Variants in VPS37A observed in about 807,000 individuals in gnomAD.
VPS37A encodes the protein VPS37A subunit of ESCRT-I, also known as vacuolar protein sorting-associated protein 37A.
VPS37A carries 30 observed loss-of-function variants against 49.8 expected under a neutral mutation model. That is an observed-to-expected ratio of 0.60 (90% confidence interval 0.45 to 0.82). The LOEUF (loss-of-function observed/expected upper bound fraction) is 0.82. Among genes scored for constraint, VPS37A ranks in the 40% least tolerant of loss-of-function variants. The pLI, the probability that VPS37A is intolerant of heterozygous loss-of-function variation, is 0.00. For synonymous variants in VPS37A, 195 were observed against 160.6 expected (o/e 1.21, Z -1.62); for missense variants, 593 against 464.4 (o/e 1.28, Z -2.55).
At chr8:17,266,025 C>G in intron 2 of VPS37A, 44 bp downstream of exon 2, 1 of 1,522,792 alleles carries the variant, frequency 6.6e-7, no homozygotes, top group South Asian at 1.2e-5. Context: ...AAGGACTTAA[C>G]AGTTTTTTTA....
At chr8:17,284,219 G>A (rs1815373065) in intron 9 of VPS37A, among the ~76,000 whole-genome samples, 1 of 152,198 alleles carries the variant, frequency 6.6e-6, no homozygotes, top group Non-Finnish European at 1.5e-5. Context: ...CCTTAGGAGA[G>A]AACAATGATT....
chr8:17,261,908 C>G (rs1159662770), intron 1 of VPS37A, among the ~76,000 whole-genome samples: 1 of 152,148 alleles, frequency 6.6e-6, no homozygotes, highest in African/African-American at 2.4e-5. Context: ...GTAGTCTTGC[C>G]TCTCCCCTTT....
At chr8:17,320,783 C>A in the VPS37A span, among the ~76,000 whole-genome samples, 2 of 152,194 alleles carry the variant, frequency 1.3e-5, no homozygotes. Flanking sequence ...TGCACGCGGC[C>A]CTGAAACACG....
rs571205271 is a variant in VPS37A at position 17,264,539 on chromosome 8, C to T, written c.126-1368C>T. 8.5e-5 allele frequency among the ~76,000 whole-genome samples: 13 copies of T among 152,268 alleles called. No individual in the cohort carries two copies. The East Asian group carries it at 2.3e-3, about 27-fold the overall frequency. Reference sequence around the variant, plus strand: ...TAGGATATCAGAGAGGAAAGCTTATCTACATCTACAGTTTTTCTGTAACTC... The same window carrying T: ...TAGGATATCAGAGAGGAAAGCTTATTTACATCTACAGTTTTTCTGTAACTC... On this transcript the variant is annotated intron_variant, in intron 1 of 11. Coordinates refer to ENST00000324849, the MANE Select transcript of VPS37A (RefSeq NM_152415.3).
In VPS37A at chr8:17,274,766, T is replaced by C. The variant is rs955243523; in HGVS notation, c.450T>C (p.Tyr150=). ...LYSNPSGMSP[Y]ASQGFPFLPP... is the part of the protein sequence containing the mutation. Reference sequence around the variant, plus strand: ...GTAACCCAAGTGGGATGTCTCCTTATGCTTCTCAGGGTTTTCCATTTCTTC... The same window carrying C: ...GTAACCCAAGTGGGATGTCTCCTTACGCTTCTCAGGGTTTTCCATTTCTTC... The change falls in exon 5 of 12, where the codon TAT becomes TAC. Residue 150 remains tyrosine (Y), a synonymous_variant. Coordinates refer to ENST00000324849, the MANE Select transcript of VPS37A (RefSeq NM_152415.3). The C allele has an allele frequency of 4.3e-6, 7 of 1,614,074 alleles. No individual in the cohort carries two copies. Among genetic ancestry groups the C allele is most frequent in the Non-Finnish European group, 5.1e-6 (6 of 1,180,026 alleles).
At chr8:17,311,806 C>A in the VPS37A span, 1 of 998,282 alleles carries the variant, frequency 1.0e-6, no homozygotes, top group East Asian at 2.5e-5. Context: ...CCAGAGTGGC[C>A]TGGTGCTGGC....
At chr8:17,251,576 A>T (rs1811980178) in intron 1 of VPS37A, among the ~76,000 whole-genome samples, 1 of 152,124 alleles carries the variant, frequency 6.6e-6, no homozygotes, top group South Asian at 2.1e-4. Context: ...CCTACAACTT[A>T]TCTGTCTCTG....
intron 1 of VPS37A, among the ~76,000 whole-genome samples, chr8:17,263,396 C>T (rs1429887319): frequency 6.6e-6 from 1 of 152,020 alleles, no homozygotes; most frequent in African/African-American, 2.4e-5. Flanking sequence ...TTGTTTAATG[C>T]AGCTAATCAA....
At chr8:17,288,802 T>A (rs1343805772) in intron 11 of VPS37A, among the ~76,000 whole-genome samples, 1 of 152,210 alleles carries the variant, frequency 6.6e-6, no homozygotes, top group Non-Finnish European at 1.5e-5. Flanking sequence ...ACACTGGTCT[T>A]CCATAATGGT....
chr8:17,275,577 T>TC (rs764819435), intron 5 of VPS37A, among the ~76,000 whole-genome samples: 2 of 152,132 alleles, frequency 1.3e-5, no homozygotes, highest in Non-Finnish European at 2.9e-5. Flanking sequence ...TTATGATGGG[T>TC]CTGCTAACAT....
the VPS37A span, among the ~76,000 whole-genome samples, chr8:17,331,744 T>G: frequency 6.6e-6 from 1 of 152,214 alleles, no homozygotes; most frequent in Admixed American, 6.5e-5. Context: ...CAAATAGGAA[T>G]GGTTGCATCA....
At chr8:17,307,870 C>T in the VPS37A span, among the ~76,000 whole-genome samples, 1 of 149,500 alleles carries the variant, frequency 6.7e-6, no homozygotes, top group African/African-American at 2.5e-5. Context: ...GGGAACATCA[C>T]ACACCGGGGA....
intron 9 of VPS37A, 107 bp downstream of exon 9, chr8:17,280,550 C>CA: frequency 1.9e-6 from 2 of 1,029,638 alleles, no homozygotes; most frequent in South Asian, 1.8e-5. Flanking sequence ...TATGAGGTAT[C>CA]TGACCTTATA....
rs533307069 is a variant in VPS37A, at chr8:17,294,709, C to T, written c.*1-278C>T. Among the ~76,000 whole-genome samples the T allele has an allele frequency of 3.9e-5, 6 of 152,254 alleles. No individual in the cohort carries two copies. The South Asian group carries it at 6.2e-4, about 16-fold the overall frequency. ...TAGTTCCCTAACCCCTTGCACTTAC[C>T]GGGTGAGGCAACACCCCACCCTGCT... On this transcript the variant is annotated intron_variant, in intron 11 of 11. Coordinates refer to ENST00000324849, the MANE Select transcript of VPS37A (RefSeq NM_152415.3).
downstream of VPS37A, among the ~76,000 whole-genome samples, chr8:17,300,836 C>G (rs1257943447): frequency 6.6e-6 from 1 of 152,208 alleles, no homozygotes; most frequent in Non-Finnish European, 1.5e-5. Flanking sequence ...TTTGCCTAGT[C>G]TAGATGTTTT....
intron 1 of VPS37A, among the ~76,000 whole-genome samples, chr8:17,264,161 T>C (rs73200934): frequency 0.063 from 9,532 of 152,176 alleles, 393 homozygotes; most frequent in African/African-American, 0.1. Context: ...AAGGCTTAAC[T>C]TACCCATGAC....
At chr8:17,313,183 T>TCAGTG in the VPS37A span, 31 of 702,916 alleles carry the variant, frequency 4.4e-5, no homozygotes, top group Non-Finnish European at 5.2e-5. Context: ...GGCTATCCAG[T>TCAGTG]CAGTGCAGTG....
At chr8:17,247,703 C>G (rs1811432119) in intron 1 of VPS37A, 2 of 702,624 alleles carry the variant, frequency 2.8e-6, no homozygotes, top group African/African-American at 1.7e-5. Context: ...TGATCTTTCC[C>G]TTTGCCCACC....
At chr8:17,320,725 CCAG>C in the VPS37A span, among the ~76,000 whole-genome samples, 28 of 152,270 alleles carry the variant, frequency 1.8e-4, 1 homozygote, top group East Asian at 5.4e-3. Flanking sequence ...GTGACAGTGC[CCAG>C]CAATACCAGA....
Sources: allele counts gnomAD v4.1 joint callset (sites outside exome capture counted in the v4.1 genomes callset), GRCh38; gene constraint gnomAD v4.1.1; transcripts MANE v1.5; gene names NCBI Gene and HGNC (gene_info 2026-07-23, HGNC 2026-07-21).